Variants in FBN3 observed in about 807,000 individuals in gnomAD.
The protein encoded by FBN3 is fibrillin-3.
In FBN3, 234 loss-of-function variants were observed where a neutral mutation model predicts 330.1. The ratio of observed to expected loss-of-function variants is 0.71; its 90% CI spans 0.64 to 0.79. The LOEUF is 0.79. Among genes scored for constraint, FBN3 ranks in the 30% least tolerant of loss-of-function variants. FBN3 has a pLI of 0.00. For synonymous variants in FBN3, 1,458 were observed against 1,517.3 expected, an observed-to-expected ratio of 0.96 and a Z score of 0.91; for missense variants, 3,606 against 3,886.9, an observed-to-expected ratio of 0.93 and a Z score of 1.92.
chr19:8,143,256 C>T lies in FBN3; in HGVS notation c.542-1119G>A, dbSNP rs529643824. On this transcript the variant is annotated intron_variant, in intron 6 of 63. Transcript: ENST00000600128. ...TCCCCATGGATGGGGCAGCCCACGC[C>T]GCCATCTCAGCCCCAGGCCTGAGTG... Among the ~76,000 whole-genome samples, 397 of 152,256 alleles carry T rather than the reference C, an allele frequency of 2.6e-3. 1 individual carries two copies. The highest frequency in any genetic ancestry group is 8.7e-3 in the African/African-American group (361 of 41,554).
intron 51 of FBN3, 100 bp from the exon 52 acceptor site, chr19:8,088,279 C>A (rs1599307360): frequency 4.2e-6 from 6 of 1,419,216 alleles, no homozygotes; most frequent in East Asian, 2.3e-5. Flanking sequence ...TCGGAGGGGG[C>A]CAGATCGAAT....
Position 8,115,593 on chromosome 19 carries a change from A to G in FBN3, c.3760T>C (p.Cys1254Arg). The change falls in exon 30 of 64, where the codon TGC becomes CGC. Residue 1254 changes from cysteine to arginine, a missense_variant. Physicochemically the swap from Cys to Arg is radical, Grantham distance 180. Coordinates refer to ENST00000600128, the MANE Select transcript of FBN3 (RefSeq NM_032447.5). ...ACAAAGGAACCCTTCGTGTTCTCGC[A>G]GTCCCCATGGAGGCAGATGTGAGGG... ...LNPHICLHGD[C>R]ENTKGSFVCH... The G allele has an allele frequency of 6.2e-7, 1 of 1,614,084 alleles. No individual in the cohort carries two copies. Among genetic ancestry groups the G allele is most frequent in the African/African-American group, 1.3e-5 (1 of 75,032 alleles).
chr19:8,136,880 G>GA (rs2083295189), intron 10 of FBN3, among the ~76,000 whole-genome samples: 1 of 93,976 alleles, frequency 1.1e-5, no homozygotes. Flanking sequence ...CCTCCAACCT[G>GA]GGCCTGGATC....
chr19:8,118,931 C>A lies in FBN3; in HGVS notation c.3303G>T (p.Gly1101=). 6.2e-7 allele frequency: 1 copy of A among 1,613,320 alleles called. No individual in the cohort carries two copies. The highest frequency in any genetic ancestry group is 8.5e-7 in the Non-Finnish European group (1 of 1,179,240). ...CAGTGCCCTTGGCCGTCAGCTCATG[C>A]CCAGGGGGACACTGGCACTTGTAGC... is the stretch of plus-strand genomic sequence containing the variant. ...DGSYKCQCPP[G]HELTAKGTAC... Residue 1101 remains glycine (G), a synonymous_variant, in exon 26 of 64, where the codon GGG becomes GGT. Transcript: ENST00000600128.
At chr19:8,146,342 C>T in intron 3 of FBN3, 117 bp from the exon 4 acceptor site, 1 of 821,058 alleles carries the variant, frequency 1.2e-6, no homozygotes. Context: ...ATCTGCATCC[C>T]CGGCTCTGCT....
intron 37 of FBN3, among the ~76,000 whole-genome samples, chr19:8,107,511 G>T (rs1568404302): frequency 6.6e-6 from 1 of 150,628 alleles, no homozygotes; most frequent in Non-Finnish European, 1.5e-5. Context: ...ATGAATGGAT[G>T]GAAGGATGAG....
At chr19:8,102,348 G>A (rs1302527393) in intron 40 of FBN3, among the ~76,000 whole-genome samples, 2 of 151,922 alleles carry the variant, frequency 1.3e-5, no homozygotes, top group Non-Finnish European at 2.9e-5. Flanking sequence ...CCAAGTAGCT[G>A]GGATTACGGG....
intron 57 of FBN3, among the ~76,000 whole-genome samples, 175 bp from the exon 58 acceptor site, chr19:8,081,655 C>T (rs993750638): frequency 1.3e-5 from 2 of 152,200 alleles, no homozygotes; most frequent in Non-Finnish European, 2.9e-5. Context: ...TTGCAGGCCA[C>T]ACCATCTCAG....
At chr19:8,080,613 G>A (rs554481456) in intron 59 of FBN3, among the ~76,000 whole-genome samples, 5 of 152,142 alleles carry the variant, frequency 3.3e-5, no homozygotes, top group African/African-American at 7.2e-5. Context: ...AATACACACC[G>A]GGTGCTTGAT....
At chr19:8,081,665 G>A (rs1280457967) in intron 57 of FBN3, among the ~76,000 whole-genome samples, 185 bp from the exon 58 acceptor site, 1 of 152,142 alleles carries the variant, frequency 6.6e-6, no homozygotes, top group East Asian at 1.9e-4. Flanking sequence ...CACCATCTCA[G>A]ATACAACTAC....
chr19:8,068,055 C>A (rs532396332), intron 63 of FBN3, among the ~76,000 whole-genome samples: 2 of 151,072 alleles, frequency 1.3e-5, no homozygotes, highest in East Asian at 3.9e-4. Flanking sequence ...AGAGTGAGAC[C>A]CTGCTCCCCA....
chr19:8,124,539 A>T (rs1386541148), intron 22 of FBN3, among the ~76,000 whole-genome samples: 1 of 132,306 alleles, frequency 7.6e-6, no homozygotes, highest in Non-Finnish European at 1.7e-5. Context: ...TGCCTGGCCA[A>T]TTTTTTTTTT....
In FBN3 at chr19:8,131,394, C is replaced by G. The variant is rs2083142595; in HGVS notation, c.1991-106G>C. On this transcript the variant is annotated intron_variant, in intron 15 of 63. Coordinates refer to ENST00000600128, the MANE Select transcript of FBN3 (RefSeq NM_032447.5). The surrounding 1 kb of genome is among the most constrained non-coding windows in gnomAD (Gnocchi z 4.5). ...TCTGGTCTTGGGCAAGAGTTTGGGA[C>G]TAAGACACAACTCCAACCCCGGGGA... 6.7e-7 allele frequency: 1 copy of G among 1,482,488 alleles called. No homozygotes were observed. Among genetic ancestry groups the G allele is most frequent in the Non-Finnish European group, 9.3e-7 (1 of 1,077,480 alleles). 91.8% of individuals were successfully genotyped at this position (1,482,488 alleles called of 1,614,324 possible).
chr19:8,099,784 G>A (rs2082288284), intron 41 of FBN3, among the ~76,000 whole-genome samples: 1 of 151,892 alleles, frequency 6.6e-6, no homozygotes, highest in Admixed American at 6.6e-5. Flanking sequence ...GCTGAGGTGG[G>A]TGGATCACCT....
chr19:8,136,232 A>T lies in FBN3; in HGVS notation c.1423T>A (p.Tyr475Asn). The T allele has an allele frequency of 6.2e-7, 1 of 1,611,908 alleles. No individual in the cohort carries two copies. The highest frequency in any genetic ancestry group is 8.5e-7 in the Non-Finnish European group (1 of 1,179,444). The change falls in exon 12 of 64, where the codon TAC becomes AAC. Residue 475 changes from tyrosine to asparagine, a missense_variant. Coordinates refer to ENST00000600128, the MANE Select transcript of FBN3 (RefSeq NM_032447.5). Reference protein sequence around the residue: ...NIPGTYHCRCYPGFQATPTRQ... With the variant: ...NIPGTYHCRCNPGFQATPTRQ... ...GTGGGCGTGGCCTGGAAGCCCGGGTAGCACCGGCAGTGGTAGGTGCCGGGG... is the reference window on the plus strand; with the variant it reads ...GTGGGCGTGGCCTGGAAGCCCGGGTTGCACCGGCAGTGGTAGGTGCCGGGG...
At chr19:8,093,845 C>T (rs912699418) in intron 47 of FBN3, among the ~76,000 whole-genome samples, 3 of 151,906 alleles carry the variant, frequency 2.0e-5, no homozygotes, top group East Asian at 3.9e-4. Context: ...GACTGGTCCA[C>T]GTTAGCTCAG....
rs772353703 is a variant in FBN3, at chr19:8,131,740, G to GC, written c.1803dup (p.Leu602AlafsTer64). ...ACGCGGCCATCCGTGCCTACCGCCAGCCCCCCCAGGCACTGGCAGCGGAAG... is the reference window on the plus strand; with the variant it reads ...ACGCGGCCATCCGTGCCTACCGCCAGCCCCCCCCAGGCACTGGCAGCGGAAG... On this transcript the variant is annotated frameshift_variant, in exon 15 of 64. Coordinates refer to ENST00000600128, the MANE Select transcript of FBN3 (RefSeq NM_032447.5). LOFTEE classifies it high-confidence loss of function. The surrounding 1 kb of genome is among the most constrained non-coding windows in gnomAD (Gnocchi z 4.5). 24 of 1,613,338 alleles carry GC rather than the reference G, an allele frequency of 1.5e-5. No individual in the cohort carries two copies. The highest frequency in any genetic ancestry group is 1.7e-5 in the Admixed American group (1 of 59,956).
chr19:8,135,936 G>GGGGGGGGGGGGGGGCCGCCCCCCCCCCC, intron 13 of FBN3, 25 bp downstream of exon 13: 1 of 668,778 alleles, frequency 1.5e-6, no homozygotes, highest in Non-Finnish European at 2.4e-6. Flanking sequence ...GGAAGCCCCT[G>GGGGGGGGGGGGGGGCCGCCCCCCCCCCC]CCCACCCGCC....
intron 58 of FBN3, 102 bp from the exon 59 acceptor site, chr19:8,081,221 A>G (rs1568363136): frequency 3.4e-6 from 5 of 1,491,198 alleles, no homozygotes; most frequent in Non-Finnish European, 3.7e-6. Flanking sequence ...GGGTGACAAG[A>G]GAAAGACCTC....
Sources: allele counts gnomAD v4.1 joint callset (sites outside exome capture counted in the v4.1 genomes callset), GRCh38; gene constraint gnomAD v4.1.1; non-coding constraint Gnocchi (gnomAD v3.1); transcripts MANE v1.5; gene names NCBI Gene and HGNC (gene_info 2026-07-23, HGNC 2026-07-21).